The following SAFB2 variants were observed in gnomAD, a reference collection of about 807,000 sequenced individuals.
SAFB2 encodes the protein scaffold attachment factor B2.
A neutral mutation model predicts 100.6 loss-of-function variants in SAFB2; 32 were observed. That is an observed-to-expected ratio of 0.32 (90% CI 0.24 to 0.43). The LOEUF (loss-of-function observed/expected upper bound fraction) is 0.43, where lower values mean the gene tolerates loss of function less well. Ranked by LOEUF, SAFB2 falls within the 20% of genes least tolerant of loss-of-function variation. The probability of loss-of-function intolerance (pLI) is 1.00; values close to 1 mark genes in which losing one functional copy is unlikely to be tolerated. For missense variants in SAFB2, 1,185 were observed against 1,163.4 expected (o/e 1.02, Z -0.27); for synonymous variants, 500 against 439.4 (o/e 1.14, Z -1.72).
chr19:5,600,089 C>T (rs2052622558), intron 12 of SAFB2, 41 bp downstream of exon 12: 1 of 1,592,332 alleles, frequency 6.3e-7, no homozygotes, highest in South Asian at 1.2e-5. Flanking sequence ...CCACCCGTGC[C>T]AGGCCTTCCC....
At chr19:5,618,239 G>A (rs1001329696) in intron 2 of SAFB2, among the ~76,000 whole-genome samples, 1 of 152,194 alleles carries the variant, frequency 6.6e-6, no homozygotes, top group Non-Finnish European at 1.5e-5. Flanking sequence ...GCGGGCGCCT[G>A]TAGTCTCAGC....
In SAFB2 at chr19:5,622,756, G is replaced by T. The variant is rs1323234473; in HGVS notation, c.-41C>A. 1 of 1,564,586 alleles carries T rather than the reference G, an allele frequency of 6.4e-7. No individual in the cohort carries two copies. The highest frequency in any genetic ancestry group is 8.6e-7 in the Non-Finnish European group (1 of 1,160,042). Reference sequence around the variant, plus strand: ...TTCGCCACCGACTCAGTCGCACACCGCCGGCAGCTATAGCGGCTCTGAACA... The same window carrying T: ...TTCGCCACCGACTCAGTCGCACACCTCCGGCAGCTATAGCGGCTCTGAACA... On this transcript the variant is annotated 5_prime_UTR_variant, in exon 1 of 21. Coordinates refer to ENST00000252542, the MANE Select transcript of SAFB2 (RefSeq NM_014649.3).
Position 5,621,315 on chromosome 19 carries a change from C to T in SAFB2, c.268G>A (p.Val90Ile), listed in dbSNP as rs1046760773. ...AGCAGCATATGTACAATACCTTTAACACATCTCTTGGCTGACTTCTTGCTG... is the reference window on the plus strand; with the variant it reads ...AGCAGCATATGTACAATACCTTTAATACATCTCTTGGCTGACTTCTTGCTG... ...ATSKKSAKRC[V>I]KGLKMEEEGT... Residue 90 changes from valine to isoleucine, a missense_variant, in exon 2 of 21, where the codon GTT becomes ATT. By Grantham distance (29) the Val-to-Ile change is conservative. This residue lies in a region of SAFB2 where 351 missense variants were observed against 341.2 expected (regional missense o/e 1.03). Coordinates refer to ENST00000252542, the MANE Select transcript of SAFB2 (RefSeq NM_014649.3). 1 of 1,606,088 alleles carries T rather than the reference C, an allele frequency of 6.2e-7. No individual in the cohort carries two copies. The highest frequency in any genetic ancestry group is 2.2e-5 in the East Asian group (1 of 44,856).
chr19:5,616,379 A>G (rs372649032), intron 3 of SAFB2, 43 bp downstream of exon 3: 5 of 1,613,952 alleles, frequency 3.1e-6, no homozygotes, highest in South Asian at 1.1e-5. Context: ...CTGGACCAGG[A>G]CAGGGAGCTG....
intron 9 of SAFB2, among the ~76,000 whole-genome samples, chr19:5,608,689 G>A (rs898831426): frequency 4.7e-4 from 72 of 152,130 alleles, no homozygotes; most frequent in African/African-American, 1.6e-3. Context: ...TAAATGGTCC[G>A]AACCTTGTCC....
chr19:5,593,935 G>A lies in SAFB2; in HGVS notation c.2163C>T (p.Tyr721=), dbSNP rs1297261263. 6.4e-6 allele frequency: 10 copies of A among 1,550,934 alleles called. No homozygotes were observed. Among genetic ancestry groups the A allele is most frequent in the East Asian group, 2.4e-5 (1 of 42,542 alleles). Residue 721 remains tyrosine, a synonymous_variant, in exon 15 of 21, where the codon TAC becomes TAT. Coordinates refer to ENST00000252542, the MANE Select transcript of SAFB2 (RefSeq NM_014649.3). ...ELRRQQEQLR[Y]EQERRPGRRP... ...TCCGCCCGGGCCGCCGCTCCTGCTC[G>A]TAACGCAGCTGCTCCTGCTGGCGCC...
intron 9 of SAFB2, among the ~76,000 whole-genome samples, chr19:5,608,691 A>G (rs1379243081): frequency 6.6e-6 from 1 of 152,152 alleles, no homozygotes; most frequent in Non-Finnish European, 1.5e-5. Flanking sequence ...AATGGTCCGA[A>G]CCTTGTCCCT....
Position 5,610,066 on chromosome 19 carries a change from G to C in SAFB2, c.1225C>G (p.Leu409Val), listed in dbSNP as rs762436484. Residue 409 changes from leucine (L) to valine (V), a missense_variant, in exon 9 of 21, where the codon CTG becomes GTG. Physicochemically the swap from Leu to Val is conservative, Grantham distance 32. Coordinates refer to ENST00000252542, the MANE Select transcript of SAFB2 (RefSeq NM_014649.3). ...GRVGSGSGRN[L>V]WVSGLSSTTR... ...GTGGAGGACAGCCCGCTGACCCACA[G>C]GTTCCGACCAGAACCGCTGCCGACC... 3.1e-6 allele frequency: 5 copies of C among 1,614,196 alleles called. No homozygotes were observed. Among genetic ancestry groups the C allele is most frequent in the Non-Finnish European group, 4.2e-6 (5 of 1,180,026 alleles).
intron 17 of SAFB2, 75 bp downstream of exon 17, chr19:5,591,673 C>T: frequency 6.7e-7 from 1 of 1,484,462 alleles, no homozygotes; most frequent in Non-Finnish European, 9.4e-7. Flanking sequence ...CAAGCGGCCG[C>T]CTGGCTAGAA....
intron 2 of SAFB2, among the ~76,000 whole-genome samples, chr19:5,621,078 G>A (rs894275635): frequency 6.6e-6 from 1 of 152,162 alleles, no homozygotes; most frequent in Non-Finnish European, 1.5e-5. Context: ...GGCAGAAGCT[G>A]AAACGTTTTT....
At chr19:5,616,977 A>G (rs1406844871) in intron 2 of SAFB2, among the ~76,000 whole-genome samples, 1 of 152,176 alleles carries the variant, frequency 6.6e-6, no homozygotes, top group East Asian at 1.9e-4. Flanking sequence ...TAAGCCATCA[A>G]CAGGGAGATG....
At chr19:5,615,690 A>T (rs1352566493) in intron 4 of SAFB2, among the ~76,000 whole-genome samples, 1 of 152,220 alleles carries the variant, frequency 6.6e-6, no homozygotes, top group Non-Finnish European at 1.5e-5. Context: ...CAACAGAGCA[A>T]GACCCTGTCT....
At chr19:5,606,298 C>A (rs531641492) in intron 9 of SAFB2, among the ~76,000 whole-genome samples, 10 of 152,220 alleles carry the variant, frequency 6.6e-5, no homozygotes, top group Admixed American at 5.9e-4. Context: ...TAACTAGCAC[C>A]CAAAAAATAC....
Position 5,600,485 on chromosome 19 carries a change from C to T in SAFB2, c.1560-225G>A, listed in dbSNP as rs555905352. ...TATGTGCTGAATTGAGGGATATGCACAATGAAATTCCTGGGGATGCGTTTC... is the reference window on the plus strand; with the variant it reads ...TATGTGCTGAATTGAGGGATATGCATAATGAAATTCCTGGGGATGCGTTTC... On this transcript the variant is annotated intron_variant, in intron 11 of 20. Coordinates refer to ENST00000252542, the MANE Select transcript of SAFB2 (RefSeq NM_014649.3). Among the ~76,000 whole-genome samples, 17 of 152,312 alleles carry T rather than the reference C, an allele frequency of 1.1e-4. No homozygotes were observed. The South Asian group carries it at 3.5e-3, about 32-fold the overall frequency.
Position 5,587,356 on chromosome 19 carries a change from C to A in SAFB2, c.2749G>T (p.Val917Leu). 6.2e-7 allele frequency: 1 copy of A among 1,613,208 alleles called. No individual in the cohort carries two copies. The highest frequency in any genetic ancestry group is 8.5e-7 in the Non-Finnish European group (1 of 1,179,710). Residue 917 changes from valine to leucine, a missense_variant, in exon 21 of 21, where the codon GTG becomes TTG. By Grantham distance (32) the Val-to-Leu change is conservative. This residue lies in a region of SAFB2 where 740 missense variants were observed against 687.1 expected (regional missense o/e 1.08). Coordinates refer to ENST00000252542, the MANE Select transcript of SAFB2 (RefSeq NM_014649.3). This position sits in a 1 kb window ranked among gnomAD's most constrained non-coding sequence, Gnocchi z 4.9. ...AQGGHSQGHV[V>L]PGGGLEGGGV... Reference sequence around the variant, plus strand: ...CCACCTTCCAGTCCGCCACCTGGCACCACGTGGCCCTGGGAATGTCCACCT... The same window carrying A: ...CCACCTTCCAGTCCGCCACCTGGCAACACGTGGCCCTGGGAATGTCCACCT...
intron 11 of SAFB2, among the ~76,000 whole-genome samples, chr19:5,602,509 T>G (rs1341935099): frequency 7.2e-6 from 1 of 138,834 alleles, no homozygotes; most frequent in Non-Finnish European, 1.5e-5. Context: ...AAAAAAAATC[T>G]TAAGTCCATC....
In SAFB2 at chr19:5,610,639, C is replaced by A. The variant is rs1261793464; in HGVS notation, c.1195G>T (p.Gly399Cys). ...CCTACCACGTTAAATTAAATCATAC[C>A]TTTTTCATCTTTAATGATTGGCTTT... ...DIKPIIKDEK[G>C]RVGSGSGRNL... The change falls in exon 8 of 21, where the codon GGT becomes TGT. Residue 399 changes from glycine to cysteine, a missense_variant and splice_region_variant. Gly to Cys is a radical substitution (Grantham distance 159, BLOSUM62 -3). Transcript: ENST00000252542. 1 of 1,566,572 alleles carries A rather than the reference C, an allele frequency of 6.4e-7. No individual in the cohort carries two copies. The highest frequency in any genetic ancestry group is 8.7e-7 in the Non-Finnish European group (1 of 1,143,848).
At chr19:5,615,931 C>G (rs904465835) in intron 4 of SAFB2, among the ~76,000 whole-genome samples, 4 of 152,242 alleles carry the variant, frequency 2.6e-5, no homozygotes. Context: ...TAAAAACACT[C>G]CCCAGTGCTA....
Position 5,616,168 on chromosome 19 carries a change from C to T in SAFB2, c.507G>A (p.Gln169=), listed in dbSNP as rs755363755. 5.0e-6 allele frequency: 8 copies of T among 1,614,250 alleles called. No homozygotes were observed. The East Asian group carries it at 1.8e-4, about 36-fold the overall frequency. ...FCDSKEYVAA[Q]LRQLPAQPPE... is the part of the protein sequence containing the mutation. ...GGGGCTGAGCCGGGAGCTGTCTCAGCTGTGCAGCCACGTATTCTTTACTAT... is the reference window on the plus strand; with the variant it reads ...GGGGCTGAGCCGGGAGCTGTCTCAGTTGTGCAGCCACGTATTCTTTACTAT... Residue 169 remains glutamine, a synonymous_variant, in exon 4 of 21, where the codon CAG becomes CAA. Coordinates refer to ENST00000252542, the MANE Select transcript of SAFB2 (RefSeq NM_014649.3).
Sources: allele counts gnomAD v4.1 joint callset (sites outside exome capture counted in the v4.1 genomes callset), GRCh38; gene constraint gnomAD v4.1.1; regional missense constraint gnomAD v4.1.1; non-coding constraint Gnocchi (gnomAD v3.1); transcripts MANE v1.5; gene names NCBI Gene and HGNC (gene_info 2026-07-23, HGNC 2026-07-21).